OPRD1: variants seen among roughly 807,000 people sequenced by gnomAD.
OPRD1 encodes delta-type opioid receptor.
OPRD1 carries 19 observed loss-of-function variants against 17.5 expected under a neutral mutation model. That is an observed-to-expected ratio of 1.09 (90% CI 0.76 to 1.60). The LOEUF is 1.60. Ranked by LOEUF, OPRD1 falls within the 40% of genes most tolerant of loss-of-function variation. The probability of loss-of-function intolerance (pLI) is 0.00; values close to 1 mark genes in which losing one functional copy is unlikely to be tolerated. For synonymous variants in OPRD1, 256 were observed against 240.9 expected (o/e 1.06, Z -0.58); for missense variants, 483 against 547.2 (o/e 0.88, Z 1.17).
In OPRD1 at chr1:28,866,161, G is replaced by A. The variant is rs1222755230; in HGVS notation, c.*2878G>A. On this transcript the variant is annotated 3_prime_UTR_variant, in exon 3 of 3. Transcript: ENST00000234961. ...CTGCCCTCAGAAAGCCTGAGCCAGT[G>A]TTGGGAGATAAAGCATCAACAGATG... 1.3e-5 allele frequency: 2 copies of A among 152,284 alleles called. No individual in the cohort carries two copies. The highest frequency in any genetic ancestry group is 2.9e-5 in the Non-Finnish European group (2 of 68,064). 9.4% of individuals were successfully genotyped at this position (152,284 alleles called of 1,614,324 possible). A position where few individuals can be genotyped will look rare whatever the true frequency, so the allele number is the denominator to read the frequency against.
chr1:28,867,017 TTTC>T lies in OPRD1; in HGVS notation c.*3735_*3737del, dbSNP rs2089181015. 1.3e-5 allele frequency: 2 copies of T among 151,394 alleles called. No individual in the cohort carries two copies. The highest frequency in any genetic ancestry group is 4.9e-5 in the African/African-American group (2 of 41,132). The allele number at this position is 151,394 out of a possible 1,614,324, so 9.4% of individuals were successfully genotyped here. A position where few individuals can be genotyped will look rare whatever the true frequency, so the allele number is the denominator to read the frequency against. On this transcript the variant is annotated 3_prime_UTR_variant, in exon 3 of 3. Coordinates refer to ENST00000234961, the MANE Select transcript of OPRD1 (RefSeq NM_000911.4). ...TTCTTCATCATCTTTTTTTTTTTTT[TTTC>T]AGCCAGTGTCTTGCTCTGTTGCCCA...
Position 28,828,907 on chromosome 1 carries a change from T to C in OPRD1, c.227+16297T>C, listed in dbSNP as rs1011026811. Among the ~76,000 whole-genome samples the C allele has an allele frequency of 5.9e-5, 9 of 151,748 alleles. No homozygotes were observed. The East Asian group carries it at 1.7e-3, about 29-fold the overall frequency. The stretch of plus-strand genomic sequence containing the variant: ...CGGGAGGCTGAGGCAGGAGAATCGC[T>C]TGAACCCAGGAGGTGGAGGTTGCAG... On this transcript the variant is annotated intron_variant, in intron 1 of 2. Transcript: ENST00000234961.
intron 1 of OPRD1, among the ~76,000 whole-genome samples, chr1:28,821,574 C>G (rs1359446152): frequency 6.6e-6 from 1 of 152,094 alleles, no homozygotes; most frequent in Admixed American, 6.6e-5. Flanking sequence ...GGTCACATGT[C>G]GAAGTCATGA....
rs146334558 is a variant in OPRD1, at chr1:28,869,494, G to A, written c.*6211G>A. The A allele has an allele frequency of 3.0e-3, 454 of 152,294 alleles. 1 individual carries two copies. Among genetic ancestry groups the A allele is most frequent in the Non-Finnish European group, 4.8e-3 (325 of 68,056 alleles). 9.4% of individuals were successfully genotyped at this position (152,294 alleles called of 1,614,324 possible). A position where few individuals can be genotyped will look rare whatever the true frequency, so the allele number is the denominator to read the frequency against. Reference sequence around the variant, plus strand: ...GAGGCCACTGAGACATTATCAATGGGTAATGTACAGCACTTCCATGGCATA... The same window carrying A: ...GAGGCCACTGAGACATTATCAATGGATAATGTACAGCACTTCCATGGCATA... On this transcript the variant is annotated 3_prime_UTR_variant, in exon 3 of 3. Coordinates refer to ENST00000234961, the MANE Select transcript of OPRD1 (RefSeq NM_000911.4).
chr1:28,832,761 A>G (rs1429025177), intron 1 of OPRD1, among the ~76,000 whole-genome samples: 1 of 152,194 alleles, frequency 6.6e-6, no homozygotes, highest in Non-Finnish European at 1.5e-5. Context: ...TCTTCTATAA[A>G]CAAAATGGGA....
intron 1 of OPRD1, among the ~76,000 whole-genome samples, chr1:28,823,870 C>T (rs1011503822): frequency 2.0e-5 from 3 of 150,928 alleles, no homozygotes; most frequent in African/African-American, 7.3e-5. Context: ...CTTCAAGGTC[C>T]TGTGAGGTCA....
At chr1:28,859,400 G>C in intron 2 of OPRD1, 97 bp downstream of exon 2, 1 of 1,045,876 alleles carries the variant, frequency 9.6e-7, no homozygotes, top group South Asian at 1.6e-5. Flanking sequence ...GGTGAGTGTA[G>C]GTGGCTCATC....
At position 28,812,816 on chromosome 1, in the gene OPRD1, C is replaced by CG. The variant is rs964553170; in HGVS notation, c.227+215dup. 6.0e-3 allele frequency among the ~76,000 whole-genome samples: 904 copies of CG among 150,118 alleles called. 2 individuals carry two copies. Among genetic ancestry groups the CG allele is most frequent in the Non-Finnish European group, 8.9e-3 (601 of 67,280 alleles). ...ATCGTGTGTATGTGTGTGTGTGGTG[C>CG]GGGGGGGGGAGTGCGCCGCGGTTGA... On this transcript the variant is annotated intron_variant, in intron 1 of 2. Transcript: ENST00000234961.
At chr1:28,843,069 C>G (rs1276681732) in intron 1 of OPRD1, among the ~76,000 whole-genome samples, 2 of 152,018 alleles carry the variant, frequency 1.3e-5, no homozygotes, top group African/African-American at 4.8e-5. Flanking sequence ...CGCTTTCACA[C>G]GTGCGGCTCC....
chr1:28,846,715 A>C (rs12732879), intron 1 of OPRD1, among the ~76,000 whole-genome samples: 3,694 of 150,206 alleles, frequency 0.025, 63 homozygotes, highest in Non-Finnish European at 0.039. Context: ...AGAGAGAGAG[A>C]GAGCGAGCAA....
In OPRD1 at chr1:28,834,996, C is replaced by A. The variant is rs542593910; in HGVS notation, c.227+22386C>A. ...CTATTTCAGACACCTGTTTGCTCCC[C>A]TGTTCTGCTCTCCCCACCATGAGTG... On this transcript the variant is annotated intron_variant, in intron 1 of 2. Transcript: ENST00000234961. 2.0e-5 allele frequency among the ~76,000 whole-genome samples: 3 copies of A among 152,342 alleles called. No individual in the cohort carries two copies. In the South Asian group the frequency reaches 6.2e-4, roughly 32 times the overall value.
chr1:28,857,821 C>A (rs1261552637), intron 1 of OPRD1, among the ~76,000 whole-genome samples: 3 of 151,932 alleles, frequency 2.0e-5, no homozygotes, highest in Non-Finnish European at 2.9e-5. Context: ...GAGACGGAGT[C>A]TCGGTCTGTC....
At chr1:28,813,056 C>T (rs1204382434) in intron 1 of OPRD1, among the ~76,000 whole-genome samples, 2 of 152,140 alleles carry the variant, frequency 1.3e-5, no homozygotes, top group Non-Finnish European at 1.5e-5. Flanking sequence ...GCAGGCAGGG[C>T]GGACAGGAGG....
intron 2 of OPRD1, 84 bp from the exon 3 acceptor site, chr1:28,862,658 T>A: frequency 1.5e-6 from 2 of 1,372,956 alleles, no homozygotes; most frequent in Non-Finnish European, 2.0e-6. Flanking sequence ...TGCCCAAGCC[T>A]TGAAAGGGTG....
At chr1:28,829,440 C>A (rs1210346164) in intron 1 of OPRD1, among the ~76,000 whole-genome samples, 3 of 151,940 alleles carry the variant, frequency 2.0e-5, no homozygotes, top group Non-Finnish European at 4.4e-5. Context: ...GCGATCTCGG[C>A]TCACTACAAC....
At chr1:28,837,306 G>A (rs2088861037) in intron 1 of OPRD1, among the ~76,000 whole-genome samples, 1 of 152,076 alleles carries the variant, frequency 6.6e-6, no homozygotes, top group Non-Finnish European at 1.5e-5. Flanking sequence ...TACAGATGAA[G>A]CTTCACTCGC....
intron 1 of OPRD1, among the ~76,000 whole-genome samples, chr1:28,821,026 G>T (rs1260411018): frequency 1.3e-5 from 2 of 151,996 alleles, no homozygotes; most frequent in Non-Finnish European, 2.9e-5. Flanking sequence ...ACAGAGAAAA[G>T]AGCTTTTTCA....
chr1:28,858,886 TTCCTTGAGTTTCATG>T, intron 1 of OPRD1, 53 bp from the exon 2 acceptor site: 3 of 1,452,988 alleles, frequency 2.1e-6, no homozygotes, highest in Non-Finnish European at 2.8e-6. Context: ...GCTACTTCCC[TTCCTTGAGTTTCATG>T]TGAAACTGAA....
At chr1:28,851,171 G>A (rs2088999624) in intron 1 of OPRD1, among the ~76,000 whole-genome samples, 2 of 152,018 alleles carry the variant, frequency 1.3e-5, no homozygotes, top group Non-Finnish European at 2.9e-5. Flanking sequence ...AGACTACCAG[G>A]GATAAAGAGA....
Sources: allele counts gnomAD v4.1 joint callset (sites outside exome capture counted in the v4.1 genomes callset), GRCh38; gene constraint gnomAD v4.1.1; transcripts MANE v1.5; gene names NCBI Gene and HGNC (gene_info 2026-07-23, HGNC 2026-07-21).